Variants in CACNA1G observed in about 807,000 individuals in gnomAD.
The protein encoded by CACNA1G is calcium voltage-gated channel subunit alpha1 G.
Under a neutral mutation model 219.4 loss-of-function variants are expected in CACNA1G, and 67 were observed. That is an observed-to-expected ratio of 0.31 (90% CI 0.25 to 0.37). The LOEUF is 0.37. Among genes scored for constraint, CACNA1G ranks in the 10% least tolerant of loss-of-function variants. The pLI is 1.00. For synonymous variants in CACNA1G, 1,296 were observed against 1,345.3 expected (o/e 0.96, Z 0.80); for missense variants, 2,380 against 3,231.4 (o/e 0.74, Z 6.39).
At chr17:50,623,865 C>T (rs1309175023) in intron 35 of CACNA1G, 42 bp from the exon 36 acceptor site, 2 of 1,585,566 alleles carry the variant, frequency 1.3e-6, no homozygotes, top group African/African-American at 2.7e-5. Flanking sequence ...CAAACCCACG[C>T]ACACCCTCTT....
chr17:50,592,377 C>T (rs758005282), intron 13 of CACNA1G, among the ~76,000 whole-genome samples: 21 of 152,186 alleles, frequency 1.4e-4, no homozygotes, highest in Non-Finnish European at 2.5e-4. Flanking sequence ...CCCAGAGAGG[C>T]AGACCAGATA....
rs971582695 is a variant in CACNA1G, at chr17:50,591,383, A to AG, written c.2454-47dup. The AG allele has an allele frequency of 2.8e-6, 4 of 1,445,772 alleles. No homozygotes were observed. The Admixed American group carries it at 9.7e-5, about 35-fold the overall frequency. The allele number at this position is 1,445,772 out of a possible 1,614,324, so 89.6% of individuals were successfully genotyped here. ...GCTACTGAGTCCTCTCCGAGGGAGTAGGGGGAGAGGGTGAAGGTGCAGGGG... is the reference window on the plus strand; with the variant it reads ...GCTACTGAGTCCTCTCCGAGGGAGTAGGGGGGAGAGGGTGAAGGTGCAGGGG... On this transcript the variant is annotated intron_variant, in intron 10 of 37. Transcript: ENST00000359106.
At chr17:50,606,522 C>G in intron 23 of CACNA1G, 1 of 560,664 alleles carries the variant, frequency 1.8e-6, no homozygotes, top group Non-Finnish European at 3.2e-6. Context: ...GTGGAAGGGA[C>G]GGATATATTG....
Position 50,569,818 on chromosome 17 carries a change from A to T in CACNA1G, c.586+15A>T. The T allele has an allele frequency of 5.9e-6, 9 of 1,537,776 alleles. No homozygotes were observed. The highest frequency in any genetic ancestry group is 7.9e-6 in the Non-Finnish European group (9 of 1,136,604). On this transcript the variant is annotated intron_variant, in intron 4 of 37. Coordinates refer to ENST00000359106, the MANE Select transcript of CACNA1G (RefSeq NM_018896.5). ...CCGGGTGCCCAGTGAGTGACCCCTCAGCCCTCAGCCCCTGAAGAGAGCCCC... is the reference window on the plus strand; with the variant it reads ...CCGGGTGCCCAGTGAGTGACCCCTCTGCCCTCAGCCCCTGAAGAGAGCCCC...
At chr17:50,597,169 G>A (rs567465151) in intron 16 of CACNA1G, among the ~76,000 whole-genome samples, 90 of 152,224 alleles carry the variant, frequency 5.9e-4, no homozygotes, top group Admixed American at 2.4e-3. Flanking sequence ...GAGTGACCTC[G>A]GGCAAGACGC....
chr17:50,583,962 C>G (rs948729572), intron 9 of CACNA1G, among the ~76,000 whole-genome samples: 3 of 152,078 alleles, frequency 2.0e-5, no homozygotes, highest in Non-Finnish European at 4.4e-5. Flanking sequence ...GGGTAGGACG[C>G]AATTTCACTG....
intron 1 of CACNA1G, among the ~76,000 whole-genome samples, chr17:50,568,289 C>T (rs922979979): frequency 1.3e-5 from 2 of 152,114 alleles, no homozygotes; most frequent in East Asian, 1.9e-4. Flanking sequence ...CCTGCCTTCT[C>T]GGGTGACCTT....
rs746315015 is a variant in CACNA1G at position 50,591,531 on chromosome 17, G to A, written c.2550G>A (p.Ala850=). 13 of 1,612,074 alleles carry A rather than the reference G, an allele frequency of 8.1e-6. No homozygotes were observed. The highest frequency in any genetic ancestry group is 1.7e-5 in the Admixed American group (1 of 59,738). Residue 850 remains alanine, a synonymous_variant, in exon 11 of 38, where the codon GCG becomes GCA. Transcript: ENST00000359106. ...TGAAGCTGGTGCGCTTCCTGCCGGC[G>A]CTGCAGCGGCAGCTGGTGGTGCTCA... ...RVLKLVRFLP[A]LQRQLVVLMK...
chr17:50,622,627 C>T lies in CACNA1G; in HGVS notation c.6060+833C>T, dbSNP rs934713115. On this transcript the variant is annotated intron_variant, in intron 35 of 37. Coordinates refer to ENST00000359106, the MANE Select transcript of CACNA1G (RefSeq NM_018896.5). ...TATTTAACTGGCTGGGCCTGCATGG[C>T]GACAGGGCCCCTACAGCCTCCCTGG... Among the ~76,000 whole-genome samples, 98 of 152,236 alleles carry T rather than the reference C, an allele frequency of 6.4e-4. 2 individuals carry two copies. Among genetic ancestry groups the T allele is most frequent in the Admixed American group, 1.5e-3 (23 of 15,288 alleles).
intron 35 of CACNA1G, among the ~76,000 whole-genome samples, chr17:50,622,529 T>C (rs764212148): frequency 6.6e-6 from 1 of 152,020 alleles, no homozygotes; most frequent in Non-Finnish European, 1.5e-5. Flanking sequence ...CTGGCAGTAG[T>C]GGAGCCTGGG....
chr17:50,594,927 C>A, intron 13 of CACNA1G, 66 bp from the exon 14 acceptor site: 1 of 1,236,380 alleles, frequency 8.1e-7, no homozygotes, highest in Non-Finnish European at 1.2e-6. Flanking sequence ...CTCGACACTG[C>A]CGATATCTGA....
intron 9 of CACNA1G, among the ~76,000 whole-genome samples, chr17:50,579,677 T>C (rs2041504502): frequency 6.6e-6 from 1 of 152,094 alleles, no homozygotes; most frequent in South Asian, 2.1e-4. Flanking sequence ...CACTGGGCCA[T>C]CAGAACCCAA....
chr17:50,589,894 T>TTCTCTCTCTCTCTCTCTCTCTC (rs35679930), intron 9 of CACNA1G, among the ~76,000 whole-genome samples: 1 of 138,834 alleles, frequency 7.2e-6, no homozygotes, highest in African/African-American at 2.8e-5. Context: ...GCGTGCATTT[T>TTCTCTCTCTCTCTCTCTCTCTC]TCTCTCTCTC....
intron 3 of CACNA1G, 32 bp from the exon 4 acceptor site, chr17:50,569,674 C>T: frequency 6.6e-7 from 1 of 1,505,450 alleles, no homozygotes; most frequent in Non-Finnish European, 9.0e-7. Context: ...GCCTCAGACT[C>T]AAAGGGCCTC....
In CACNA1G at chr17:50,600,649, C is replaced by T. The variant is rs1003693282; in HGVS notation, c.3691-77C>T. 3.4e-4 allele frequency: 423 copies of T among 1,246,284 alleles called. 4 individuals carry two copies. Among genetic ancestry groups the T allele is most frequent in the South Asian group, 2.7e-3 (221 of 81,380 alleles). 77.2% of individuals were successfully genotyped at this position (1,246,284 alleles called of 1,614,324 possible). On this transcript the variant is annotated intron_variant, in intron 17 of 37. Coordinates refer to ENST00000359106, the MANE Select transcript of CACNA1G (RefSeq NM_018896.5). The surrounding 1 kb of genome is among the most constrained non-coding windows in gnomAD (Gnocchi z 4.1). ...GAGAGGGTAGACAAGGAGTGAGGCT[C>T]GTGACTCTGCTGAGGAGCCAGGAGC...
At chr17:50,573,148 G>T (rs750800582) in intron 7 of CACNA1G, 35 bp downstream of exon 7, 1 of 1,467,216 alleles carries the variant, frequency 6.8e-7, no homozygotes, top group South Asian at 1.2e-5. Flanking sequence ...GGGGATGGGC[G>T]ATCCTGGGGA....
intron 22 of CACNA1G, among the ~76,000 whole-genome samples, chr17:50,605,306 G>A (rs2047719446): frequency 6.6e-6 from 1 of 152,186 alleles, no homozygotes; most frequent in African/African-American, 2.4e-5. Context: ...GACAGACCTG[G>A]GTTCGAGCTC....
At position 50,600,459 on chromosome 17, in the gene CACNA1G, G is replaced by T. The variant is rs1476815216; in HGVS notation, c.3691-267G>T. 1.3e-5 allele frequency among the ~76,000 whole-genome samples: 2 copies of T among 151,784 alleles called. No individual in the cohort carries two copies. The highest frequency in any genetic ancestry group is 2.9e-5 in the Non-Finnish European group (2 of 67,926). On this transcript the variant is annotated intron_variant, in intron 17 of 37. Coordinates refer to ENST00000359106, the MANE Select transcript of CACNA1G (RefSeq NM_018896.5). This position sits in a 1 kb window ranked among gnomAD's most constrained non-coding sequence, Gnocchi z 4.1. The stretch of plus-strand genomic sequence containing the variant: ...GGGCTGGGCTGGAGGCAGGGGTGGG[G>T]AGAGGGGAGAGCGGGGTTGGGGATG...
At chr17:50,604,130 T>C (rs753940204) in intron 21 of CACNA1G, 25 bp from the exon 22 acceptor site, 1 of 1,607,690 alleles carries the variant, frequency 6.2e-7, no homozygotes, top group Non-Finnish European at 8.5e-7. Flanking sequence ...GGAAGCCTTA[T>C]CACCTCCCTC....
Sources: gnomAD v4.1 joint callset for allele counts (sites outside exome capture counted in the v4.1 genomes callset) on GRCh38, gnomAD v4.1.1 for gene constraint, Gnocchi (gnomAD v3.1) non-coding constraint, MANE v1.5 for transcripts, NCBI Gene and HGNC (gene_info 2026-07-23, HGNC 2026-07-21) for gene names.